Variants in KIFC3 observed in about 807,000 individuals in gnomAD.
KIFC3 encodes the protein kinesin-like protein KIFC3.
KIFC3 carries 60 observed loss-of-function variants against 101.8 expected under a neutral mutation model. The observed-to-expected ratio is 0.59, with a 90% CI of 0.48 to 0.73. The LOEUF (loss-of-function observed/expected upper bound fraction) is 0.73, where lower values mean the gene tolerates loss of function less well. Ranked by LOEUF, KIFC3 falls within the 30% of genes least tolerant of loss-of-function variation. The probability of loss-of-function intolerance (pLI) is 0.00; values close to 1 mark genes in which losing one functional copy is unlikely to be tolerated. For missense variants in KIFC3, 966 were observed against 1,137.1 expected (o/e 0.85, Z 2.16); for synonymous variants, 476 against 482.7 (o/e 0.99, Z 0.18).
intron 1 of KIFC3, among the ~76,000 whole-genome samples, chr16:57,811,583 G>A (rs1195591968): frequency 4.6e-5 from 7 of 151,980 alleles, no homozygotes; most frequent in African/African-American, 7.3e-5. Context: ...AATTAGCTGG[G>A]TATGGAGTGC....
intron 1 of KIFC3, among the ~76,000 whole-genome samples, chr16:57,850,159 A>G (rs2056019267): frequency 6.6e-6 from 1 of 151,998 alleles, no homozygotes; most frequent in Admixed American, 6.6e-5. Flanking sequence ...TAACACCTTG[A>G]GAGACTGAGG....
chr16:57,765,369 C>T (rs1555601713), intron 11 of KIFC3, 90 bp downstream of exon 11: 14 of 1,323,032 alleles, frequency 1.1e-5, no homozygotes, highest in African/African-American at 1.5e-5. Flanking sequence ...CCACTCTTAA[C>T]GCTTCTTCCT....
At position 57,795,128 on chromosome 16, in the gene KIFC3, A is replaced by G; in HGVS notation, c.186T>C (p.Asp62=). 1 of 1,611,364 alleles carries G rather than the reference A, an allele frequency of 6.2e-7. No individual in the cohort carries two copies. Among genetic ancestry groups the G allele is most frequent in the East Asian group, 2.2e-5 (1 of 44,552 alleles). ...AGTCCTCGTCACCGCAGACTGGGGT[A>G]TCTTTTCCACGCCCTGTCCCAGGAC... ...PGRLRTGRGK[D]TPVCGDEDSS... is the part of the protein sequence containing the mutation. The change falls in exon 3 of 20, where the codon GAT becomes GAC. Residue 62 remains aspartate, a synonymous_variant. Transcript: ENST00000445690.
Position 57,759,529 on chromosome 16 carries a change from A to G in KIFC3, c.2476+199T>C, listed in dbSNP as rs1555593449. 3 of 581,602 alleles carry G rather than the reference A, an allele frequency of 5.2e-6. No individual in the cohort carries two copies. In the East Asian group the frequency reaches 8.6e-5, roughly 17 times the overall value. 36.0% of individuals were successfully genotyped at this position (581,602 alleles called of 1,614,324 possible). On this transcript the variant is annotated intron_variant, in intron 18 of 19. Transcript: ENST00000445690. ...ACTGCCCCCTTCCCACAGACCTTCC[A>G]TTTCCCACCTGCAGAACGGACACAG... is the stretch of plus-strand genomic sequence containing the variant.
intron 1 of KIFC3, among the ~76,000 whole-genome samples, chr16:57,820,088 T>C (rs6499913): frequency 0.53 from 80,225 of 151,634 alleles, 23,525 homozygotes; most frequent in African/African-American, 0.79. Flanking sequence ...AGGCTGGTCT[T>C]GAACTCCTGA....
intron 11 of KIFC3, 23 bp downstream of exon 11, chr16:57,765,436 T>C: frequency 6.4e-7 from 1 of 1,554,526 alleles, no homozygotes; most frequent in South Asian, 1.2e-5. Context: ...TGCTTTCCCT[T>C]TCCCGCATGG....
intron 1 of KIFC3, among the ~76,000 whole-genome samples, chr16:57,820,222 C>T (rs1408739965): frequency 6.6e-6 from 1 of 152,196 alleles, no homozygotes; most frequent in Non-Finnish European, 1.5e-5. Context: ...CCTGGGATGC[C>T]ATTCCTTGAA....
Position 57,782,041 on chromosome 16 carries a change from G to A in KIFC3, c.316-9753C>T, listed in dbSNP as rs567613378. On this transcript the variant is annotated intron_variant, in intron 3 of 19. Transcript: ENST00000445690. ...ACAAGGCAGAGTGTACCCCCTGGCGGGCTTTGCTTAGAGAGGCAAAGTTCA... is the reference window on the plus strand; with the variant it reads ...ACAAGGCAGAGTGTACCCCCTGGCGAGCTTTGCTTAGAGAGGCAAAGTTCA... 6 of 985,428 alleles carry A rather than the reference G, an allele frequency of 6.1e-6. No homozygotes were observed. The South Asian group carries it at 2.8e-4, about 46-fold the overall frequency. The allele number at this position is 985,428 out of a possible 1,614,324, so 61.0% of individuals were successfully genotyped here. A position where few individuals can be genotyped will look rare whatever the true frequency, so the allele number is the denominator to read the frequency against.
chr16:57,856,680 A>T (rs2056176856), intron 1 of KIFC3, among the ~76,000 whole-genome samples: 1 of 152,188 alleles, frequency 6.6e-6, no homozygotes, highest in African/African-American at 2.4e-5. Flanking sequence ...GAAGACAGAA[A>T]TTATCAATAT....
chr16:57,777,083 A>G (rs2052190739), intron 3 of KIFC3: 2 of 152,258 alleles, frequency 1.3e-5, no homozygotes, highest in South Asian at 4.1e-4. Context: ...GGAAATTAAG[A>G]AAATAATTCC....
chr16:57,798,830 A>C (rs1555624539), intron 1 of KIFC3, among the ~76,000 whole-genome samples: 2 of 152,230 alleles, frequency 1.3e-5, no homozygotes, highest in African/African-American at 4.8e-5. Flanking sequence ...ATATACAGTA[A>C]GTTCTCATTC....
At chr16:57,803,434 A>G, upstream of KIFC3, 1 of 488,940 alleles carries the variant, frequency 2.0e-6, no homozygotes, top group Non-Finnish European at 4.0e-6. Context: ...AAGCCAGCCC[A>G]TGCAGGCTGA....
rs200490664 is a variant in KIFC3, at chr16:57,798,143, C to A, written c.101G>T (p.Arg34Leu). 3 of 1,551,484 alleles carry A rather than the reference C, an allele frequency of 1.9e-6. No homozygotes were observed. Among genetic ancestry groups the A allele is most frequent in the Admixed American group, 3.9e-5 (2 of 51,466 alleles). The change falls in exon 2 of 20, where the codon CGC becomes CTC. Residue 34 changes from arginine (R) to leucine (L), a missense_variant. Physicochemically the swap from Arg to Leu is moderately radical, Grantham distance 102 (BLOSUM62 -2). Coordinates refer to ENST00000445690, the MANE Select transcript of KIFC3 (RefSeq NM_001130100.2). ...RAPEPEPGMA[R>L]PAPAPASPAA... The stretch of plus-strand genomic sequence containing the variant: ...CGGGCTGGCTGGGGCTGGGGCGGGG[C>A]GAGCCATCCCCGGCTCGGGCTCCGG...
intron 3 of KIFC3, among the ~76,000 whole-genome samples, chr16:57,786,059 C>CT (rs1299511450): frequency 1.3e-5 from 2 of 152,196 alleles, no homozygotes; most frequent in African/African-American, 4.8e-5. Context: ...AACGTTATTT[C>CT]TTTAAGTCTC....
intron 1 of KIFC3, among the ~76,000 whole-genome samples, chr16:57,823,803 G>GTGTGTGTGTGTT (rs1282049517): frequency 2.8e-5 from 4 of 143,514 alleles, no homozygotes; most frequent in Non-Finnish European, 6.1e-5. Flanking sequence ...GTGTGTGTGT[G>GTGTGTGTGTGTT]TTTTTAGTAG....
chr16:57,788,560 G>A, intron 3 of KIFC3: 1 of 1,282,518 alleles, frequency 7.8e-7, no homozygotes, highest in Non-Finnish European at 1.0e-6. Flanking sequence ...GGTTTGGCGG[G>A]CAGGCCTGCT....
intron 2 of KIFC3, 105 bp downstream of exon 2, chr16:57,797,967 G>A (rs2054473364): frequency 6.5e-7 from 1 of 1,544,728 alleles, no homozygotes; most frequent in Non-Finnish European, 8.7e-7. Context: ...GTAATTACCT[G>A]ACAGCTCTGA....
intron 3 of KIFC3, among the ~76,000 whole-genome samples, chr16:57,790,014 G>C (rs1317557113): frequency 6.6e-6 from 1 of 151,130 alleles, no homozygotes; most frequent in Non-Finnish European, 1.5e-5. Flanking sequence ...TGGGATTACA[G>C]GCATGAGCCA....
chr16:57,805,941 G>A (rs559748716), upstream of KIFC3, among the ~76,000 whole-genome samples: 9 of 152,178 alleles, frequency 5.9e-5, no homozygotes, highest in African/African-American at 9.6e-5. Context: ...GTTTTGCCAC[G>A]TTGGCCAGGC....
Sources: gnomAD v4.1 joint callset for allele counts (sites outside exome capture counted in the v4.1 genomes callset) on GRCh38, gnomAD v4.1.1 for gene constraint, MANE v1.5 for transcripts, NCBI Gene and HGNC (gene_info 2026-07-23, HGNC 2026-07-21) for gene names.